Variants in HPCAL1 observed in about 807,000 individuals in gnomAD.
HPCAL1 encodes the protein hippocalcin like 1.
Under a neutral mutation model 17.1 loss-of-function variants are expected in HPCAL1, and 8 were observed. The ratio of observed to expected loss-of-function variants is 0.47; its 90% CI spans 0.27 to 0.84. The LOEUF (loss-of-function observed/expected upper bound fraction) is 0.84. HPCAL1 is among the 40% of genes least tolerant of loss of function. HPCAL1 has a pLI of 0.13. For missense variants in HPCAL1, 165 were observed against 271.1 expected, an observed-to-expected ratio of 0.61 and a Z score of 2.75; for synonymous variants, 112 against 111.4, an observed-to-expected ratio of 1.01 and a Z score of -0.03.
At chr2:10,403,881 G>T (rs62130187) in intron 2 of HPCAL1, among the ~76,000 whole-genome samples, 20,227 of 151,864 alleles carry the variant, frequency 0.13, 1,563 homozygotes, top group Non-Finnish European at 0.17. Context: ...TTTTTGACTC[G>T]GACTTTACAA....
rs1430744727 is a variant in HPCAL1, at chr2:10,427,601, T to C, written c.*780T>C. On this transcript the variant is annotated 3_prime_UTR_variant, in exon 5 of 5. Coordinates refer to ENST00000307845, the MANE Select transcript of HPCAL1 (RefSeq NM_002149.4). ...CATTTCCGGTATTAAAATGATAAAA[T>C]AAATGGCATTTTCTGAGTTTTGCGT... The C allele has an allele frequency of 6.6e-6, 1 of 152,270 alleles. No individual in the cohort carries two copies. Among genetic ancestry groups the C allele is most frequent in the African/African-American group, 2.4e-5 (1 of 41,448 alleles). The allele number at this position is 152,270 out of a possible 1,614,324, so 9.4% of individuals were successfully genotyped here. A position where few individuals can be genotyped will look rare whatever the true frequency, so the allele number is the denominator to read the frequency against.
At chr2:10,426,441 A>G (rs932485810) in intron 4 of HPCAL1, 9 of 401,890 alleles carry the variant, frequency 2.2e-5, no homozygotes, top group Non-Finnish European at 4.2e-5. Flanking sequence ...GTGTGGGGTG[A>G]TTTCTAAAAG....
chr2:10,315,411 TG>T (rs1359184952), intron 1 of HPCAL1, among the ~76,000 whole-genome samples: 2 of 152,214 alleles, frequency 1.3e-5, no homozygotes, highest in Non-Finnish European at 2.9e-5. Flanking sequence ...TTGTATTCCA[TG>T]GGATCATGGG....
chr2:10,397,727 G>A (rs564167719), intron 2 of HPCAL1, among the ~76,000 whole-genome samples: 2 of 147,382 alleles, frequency 1.4e-5, no homozygotes, highest in Non-Finnish European at 1.5e-5. Flanking sequence ...CATCCTGCCA[G>A]CTCCCGAGAC....
chr2:10,317,766 G>T (rs1443506081), intron 1 of HPCAL1, among the ~76,000 whole-genome samples: 1 of 152,224 alleles, frequency 6.6e-6, no homozygotes, highest in Non-Finnish European at 1.5e-5. Context: ...GGGCACTGGG[G>T]ATGCAAGATA....
chr2:10,312,267 C>T (rs1663021285), intron 1 of HPCAL1, among the ~76,000 whole-genome samples: 1 of 150,028 alleles, frequency 6.7e-6, no homozygotes, highest in Non-Finnish European at 1.5e-5. Context: ...ATCACCATCA[C>T]CACCATTATC....
At chr2:10,338,210 C>T (rs939833711) in intron 1 of HPCAL1, among the ~76,000 whole-genome samples, 2 of 151,958 alleles carry the variant, frequency 1.3e-5, no homozygotes, top group East Asian at 1.9e-4. Flanking sequence ...CTAAGGGGCA[C>T]GGGGTTTCTT....
At chr2:10,311,986 ACCATCATCACCATCG>A (rs1662993263) in intron 1 of HPCAL1, among the ~76,000 whole-genome samples, 1 of 151,358 alleles carries the variant, frequency 6.6e-6, no homozygotes, top group Admixed American at 6.6e-5. Context: ...CATCACCACC[ACCATCATCACCATCG>A]CCATCATCAC....
intron 1 of HPCAL1, among the ~76,000 whole-genome samples, chr2:10,334,703 T>TTTTTTTTTTTTTTTTG (rs1664607934): frequency 1.3e-5 from 2 of 151,496 alleles, no homozygotes; most frequent in African/African-American, 2.4e-5. Flanking sequence ...GACTTTTTTT[T>TTTTTTTTTTTTTTTTG]GAGGCAGGGT....
intron 1 of HPCAL1, among the ~76,000 whole-genome samples, chr2:10,360,585 G>T (rs1049155432): frequency 3.3e-5 from 5 of 152,122 alleles, no homozygotes; most frequent in African/African-American, 1.2e-4. Context: ...CAAAATTTTT[G>T]TATTTTTAGT....
At chr2:10,335,011 A>G (rs1340460484) in intron 1 of HPCAL1, among the ~76,000 whole-genome samples, 1 of 152,194 alleles carries the variant, frequency 6.6e-6, no homozygotes, top group Non-Finnish European at 1.5e-5. Context: ...TTCTCTAGTC[A>G]TATACAGTTA....
chr2:10,409,675 C>T (rs1670207181), intron 2 of HPCAL1, among the ~76,000 whole-genome samples: 1 of 152,078 alleles, frequency 6.6e-6, no homozygotes, highest in Non-Finnish European at 1.5e-5. Flanking sequence ...CCTGTTCCAC[C>T]CCAGGAAGAA....
At position 10,367,793 on chromosome 2, in the gene HPCAL1, T is replaced by C. The variant is rs147030199; in HGVS notation, c.-110-29042T>C. 4.0e-3 allele frequency among the ~76,000 whole-genome samples: 616 copies of C among 152,308 alleles called. 3 individuals carry two copies. Among genetic ancestry groups the C allele is most frequent in the Middle Eastern group, 0.014 (4 of 294 alleles). ...TTCGGACATGAGCAGCCTCTGCTGC[T>C]GCGGCCACCCTCGCCGGCCCTGGAT... On this transcript the variant is annotated intron_variant, in intron 1 of 4. Coordinates refer to ENST00000307845, the MANE Select transcript of HPCAL1 (RefSeq NM_002149.4). The surrounding 1 kb of genome is among the most constrained non-coding windows in gnomAD (Gnocchi z 4.4).
intron 1 of HPCAL1, among the ~76,000 whole-genome samples, chr2:10,341,288 C>T (rs1202712756): frequency 6.6e-6 from 1 of 151,784 alleles, no homozygotes; most frequent in Non-Finnish European, 1.5e-5. Flanking sequence ...GGTGAAACCC[C>T]ATCTCTACAA....
At chr2:10,335,661 A>G (rs539126956) in intron 1 of HPCAL1, among the ~76,000 whole-genome samples, 1 of 152,194 alleles carries the variant, frequency 6.6e-6, no homozygotes, top group Non-Finnish European at 1.5e-5. Flanking sequence ...GCCAGGTGCT[A>G]TGGTATTCTC....
At chr2:10,406,584 C>T (rs1416146354) in intron 2 of HPCAL1, among the ~76,000 whole-genome samples, 4 of 152,262 alleles carry the variant, frequency 2.6e-5, no homozygotes, top group Non-Finnish European at 5.9e-5. Context: ...ACCCCAACTT[C>T]GCCTTCAAAG....
At position 10,365,286 on chromosome 2, in the gene HPCAL1, G is replaced by A. The variant is rs1666779023; in HGVS notation, c.-110-31549G>A. Among the ~76,000 whole-genome samples the A allele has an allele frequency of 1.3e-5, 2 of 152,192 alleles. No homozygotes were observed. The highest frequency in any genetic ancestry group is 2.4e-5 in the African/African-American group (1 of 41,450). On this transcript the variant is annotated intron_variant, in intron 1 of 4. Transcript: ENST00000307845. This position sits in a 1 kb window ranked among gnomAD's most constrained non-coding sequence, Gnocchi z 4.8. ...ACAGCTGGGATCTTGATCATCCAGT[G>A]GGTGCCCTCACTGTGCACCTGCCTC...
intron 1 of HPCAL1, among the ~76,000 whole-genome samples, chr2:10,326,480 G>A (rs1203186466): frequency 6.6e-6 from 1 of 152,220 alleles, no homozygotes; most frequent in South Asian, 2.1e-4. Flanking sequence ...GTGTTGGCTG[G>A]AGACTTGTGG....
intron 1 of HPCAL1, among the ~76,000 whole-genome samples, chr2:10,334,999 G>A (rs1009153808): frequency 1.3e-5 from 2 of 152,166 alleles, no homozygotes; most frequent in Admixed American, 1.3e-4. Context: ...ATAAGCCATC[G>A]TTTCTCTAGT....
Sources: allele counts gnomAD v4.1 joint callset (sites outside exome capture counted in the v4.1 genomes callset), GRCh38; gene constraint gnomAD v4.1.1; non-coding constraint Gnocchi (gnomAD v3.1); transcripts MANE v1.5; gene names NCBI Gene and HGNC (gene_info 2026-07-23, HGNC 2026-07-21).